Variants in SRGAP2C observed in about 807,000 individuals in gnomAD.
The protein encoded by SRGAP2C is SLIT-ROBO Rho GTPase activating protein 2C.
A neutral mutation model predicts 25.1 loss-of-function variants in SRGAP2C; 15 were observed. The ratio of observed to expected loss-of-function variants is 0.60; its 90% CI spans 0.40 to 0.92. The LOEUF (loss-of-function observed/expected upper bound fraction) is 0.92. Ranked by LOEUF, SRGAP2C falls within the 40% of genes least tolerant of loss-of-function variation. The pLI is 0.00. For missense variants in SRGAP2C, 144 were observed against 264.4 expected, an observed-to-expected ratio of 0.54 and a Z score of 3.16; for synonymous variants, 44 against 96.6, an observed-to-expected ratio of 0.46 and a Z score of 3.19.
chr1:121,372,339 G>C (rs1659518119), intron 5 of SRGAP2C, among the ~76,000 whole-genome samples: 2 of 151,950 alleles, frequency 1.3e-5, no homozygotes, highest in African/African-American at 2.4e-5. Context: ...TGTTGTGGGG[G>C]CTGTCCTGTG....
At chr1:121,221,726 A>AC (rs1655527725) in intron 2 of SRGAP2C, among the ~76,000 whole-genome samples, 1 of 121,476 alleles carries the variant, frequency 8.2e-6, no homozygotes, top group Non-Finnish European at 1.7e-5. Context: ...AAAAAAAAAA[A>AC]AAAAAACATT....
intron 2 of SRGAP2C, among the ~76,000 whole-genome samples, chr1:121,263,182 T>C (rs868984819): frequency 7.3e-5 from 11 of 150,778 alleles, no homozygotes; most frequent in Admixed American, 4.0e-4. Context: ...AGCGAAATCC[T>C]GTCTCTACTA....
At chr1:121,204,624 A>C (rs1311231231) in intron 2 of SRGAP2C, among the ~76,000 whole-genome samples, 44 of 152,302 alleles carry the variant, frequency 2.9e-4, no homozygotes, top group African/African-American at 1.0e-3. Context: ...TTTTCTAATA[A>C]TTGATGTGTA....
chr1:121,305,136 C>A (rs1316734130), intron 3 of SRGAP2C, among the ~76,000 whole-genome samples: 5 of 150,184 alleles, frequency 3.3e-5, no homozygotes, highest in Admixed American at 6.7e-5. Context: ...TTCTCCTAAG[C>A]CTGCTCCTAG....
chr1:121,263,005 A>T (rs1400144052), intron 2 of SRGAP2C, among the ~76,000 whole-genome samples: 2 of 151,876 alleles, frequency 1.3e-5, no homozygotes, highest in African/African-American at 2.4e-5. Context: ...GACCTGTAAA[A>T]TAATTTAAAA....
chr1:121,226,055 G>C (rs1234221253), intron 2 of SRGAP2C, among the ~76,000 whole-genome samples: 1 of 152,116 alleles, frequency 6.6e-6, no homozygotes, highest in Non-Finnish European at 1.5e-5. Context: ...TTTCTTCAAA[G>C]AGGGCCTGAA....
intron 3 of SRGAP2C, among the ~76,000 whole-genome samples, chr1:121,313,894 G>A (rs1306551154): frequency 0.54 from 58,959 of 108,698 alleles, 16,807 homozygotes; most frequent in East Asian, 0.75. Context: ...GAATCTGACA[G>A]TTATGTGTCT....
intron 2 of SRGAP2C, among the ~76,000 whole-genome samples, chr1:121,269,877 G>T (rs1553334975): frequency 6.7e-6 from 1 of 150,026 alleles, no homozygotes; most frequent in Admixed American, 6.7e-5. Flanking sequence ...TTGTCTGGAA[G>T]AATTAGGTAA....
At chr1:121,222,793 C>T (rs1376019809) in intron 2 of SRGAP2C, among the ~76,000 whole-genome samples, 3 of 152,034 alleles carry the variant, frequency 2.0e-5, no homozygotes, top group African/African-American at 7.3e-5. Flanking sequence ...AGACAGACTT[C>T]CTTTTCTACC....
At chr1:121,270,214 C>T (rs1656908464) in intron 2 of SRGAP2C, among the ~76,000 whole-genome samples, 1 of 150,928 alleles carries the variant, frequency 6.6e-6, no homozygotes, top group Admixed American at 6.6e-5. Context: ...TGAGTGATGA[C>T]TCAGCTTCTC....
At chr1:121,353,133 AT>A (rs1490344117) in intron 4 of SRGAP2C, among the ~76,000 whole-genome samples, 5 of 146,706 alleles carry the variant, frequency 3.4e-5, no homozygotes, top group Non-Finnish European at 7.5e-5. Flanking sequence ...TAAGTGAATA[AT>A]CACTGTTAAA....
chr1:121,204,153 T>C (rs1655058635), intron 2 of SRGAP2C, among the ~76,000 whole-genome samples: 1 of 131,602 alleles, frequency 7.6e-6, no homozygotes, highest in African/African-American at 3.2e-5. Context: ...GGAGATCCTG[T>C]CTCCAAAAAA....
At chr1:121,278,199 G>A (rs1450413591) in intron 2 of SRGAP2C, among the ~76,000 whole-genome samples, 14 of 151,988 alleles carry the variant, frequency 9.2e-5, no homozygotes, top group East Asian at 1.9e-4. Flanking sequence ...GGCCCACCTC[G>A]GCTTCCCAAA....
At chr1:121,259,423 T>C (rs7536809) in intron 2 of SRGAP2C, among the ~76,000 whole-genome samples, 68,513 of 120,106 alleles carry the variant, frequency 0.57, 19,964 homozygotes, top group East Asian at 0.77. Context: ...GGGTTTGCAG[T>C]GAGCCAAGAT....
intron 2 of SRGAP2C, among the ~76,000 whole-genome samples, chr1:121,191,349 T>C (rs1469079109): frequency 2.0e-5 from 3 of 151,820 alleles, no homozygotes; most frequent in Non-Finnish European, 2.9e-5. Context: ...CCTAATACAG[T>C]GTAAATGCTA....
intron 2 of SRGAP2C, among the ~76,000 whole-genome samples, chr1:121,225,806 G>A (rs1553326444): frequency 2.8e-5 from 4 of 145,448 alleles, no homozygotes; most frequent in Non-Finnish European, 6.0e-5. Context: ...CCAGGTTCAA[G>A]TGATTCTCCT....
chr1:121,339,414 G>A (rs1454275631), intron 4 of SRGAP2C, among the ~76,000 whole-genome samples: 1 of 150,840 alleles, frequency 6.6e-6, no homozygotes, highest in Non-Finnish European at 1.5e-5. Flanking sequence ...ACCACATCCA[G>A]CTAAGTTTTT....
At chr1:121,371,920 C>CCT (rs1212527481) in intron 5 of SRGAP2C, among the ~76,000 whole-genome samples, 13 of 150,556 alleles carry the variant, frequency 8.6e-5, no homozygotes, top group South Asian at 2.1e-4. Flanking sequence ...AAAAGAGGAG[C>CCT]CTCCTATCTA....
intron 2 of SRGAP2C, among the ~76,000 whole-genome samples, chr1:121,237,657 C>T (rs1228420655): frequency 6.6e-6 from 1 of 152,100 alleles, no homozygotes; most frequent in African/African-American, 2.4e-5. Flanking sequence ...CCCATTACCC[C>T]TACCAAGAAG....
Sources: allele counts gnomAD v4.1 joint callset (sites outside exome capture counted in the v4.1 genomes callset), GRCh38; gene constraint gnomAD v4.1.1; transcripts MANE v1.5; gene names NCBI Gene and HGNC (gene_info 2026-07-23, HGNC 2026-07-21).